The following LPP variants were observed in gnomAD, a reference collection of about 807,000 sequenced individuals.
LPP encodes the protein lipoma-preferred partner.
A neutral mutation model predicts 60.4 loss-of-function variants in LPP; 38 were observed. The observed-to-expected ratio is 0.63, with a 90% confidence interval of 0.49 to 0.83. LPP has a LOEUF of 0.83. Among genes scored for constraint, LPP ranks in the 40% least tolerant of loss-of-function variants. LPP has a pLI of 0.00. For missense variants in LPP, 902 were observed against 783.6 expected (o/e 1.15, Z -1.80); for synonymous variants, 328 against 290.8 (o/e 1.13, Z -1.30).
intron 8 of LPP, chr3:188,709,144 A>G (rs2149706081): frequency 6.6e-6 from 1 of 152,146 alleles, no homozygotes; most frequent in South Asian, 2.1e-4. Context: ...ATAACTAGGA[A>G]TGGTTAATCC....
At chr3:188,377,393 C>T (rs1424542157) in intron 3 of LPP, among the ~76,000 whole-genome samples, 1 of 152,164 alleles carries the variant, frequency 6.6e-6, no homozygotes, top group Non-Finnish European at 1.5e-5. Context: ...TTCTTGGAGG[C>T]TTTGTTCATT....
intron 5 of LPP, among the ~76,000 whole-genome samples, chr3:188,498,594 C>G (rs1324392361): frequency 2.6e-5 from 4 of 152,160 alleles, no homozygotes; most frequent in African/African-American, 9.7e-5. Context: ...ATTTTACCTA[C>G]TGTGGGAATA....
At chr3:188,716,694 A>G (rs1299932563) in intron 8 of LPP, among the ~76,000 whole-genome samples, 2 of 150,744 alleles carry the variant, frequency 1.3e-5, no homozygotes, top group Non-Finnish European at 3.0e-5. Context: ...CAGCGTAATG[A>G]AATCACTTTC....
chr3:188,240,312 A>T (rs1577476618), intron 2 of LPP: 1 of 163,058 alleles, frequency 6.1e-6, no homozygotes, highest in Non-Finnish European at 1.3e-5. Flanking sequence ...AAGGTTGTTG[A>T]CTGCATAAGA....
intron 2 of LPP, among the ~76,000 whole-genome samples, chr3:188,276,478 G>A (rs1325416974): frequency 6.6e-6 from 1 of 152,136 alleles, no homozygotes; most frequent in Non-Finnish European, 1.5e-5. Flanking sequence ...TTGGATATTT[G>A]TTTAGATATT....
At chr3:188,669,616 C>G (rs953257102) in intron 7 of LPP, among the ~76,000 whole-genome samples, 1 of 152,028 alleles carries the variant, frequency 6.6e-6, no homozygotes, top group Non-Finnish European at 1.5e-5. Flanking sequence ...ACAGGTGATG[C>G]AGGTGATGGA....
intron 9 of LPP, among the ~76,000 whole-genome samples, chr3:188,794,415 G>A (rs1230607875): frequency 6.6e-6 from 1 of 152,088 alleles, no homozygotes; most frequent in Non-Finnish European, 1.5e-5. Context: ...TTTGTATTTT[G>A]TTCTCTAAGT....
chr3:188,276,365 A>T (rs931140567), intron 2 of LPP, among the ~76,000 whole-genome samples: 1 of 152,146 alleles, frequency 6.6e-6, no homozygotes, highest in Non-Finnish European at 1.5e-5. Context: ...TAGTTCCTTG[A>T]TTGATCTCCA....
At chr3:188,261,914 C>T (rs1208043403) in intron 2 of LPP, among the ~76,000 whole-genome samples, 1 of 152,178 alleles carries the variant, frequency 6.6e-6, no homozygotes, top group Non-Finnish European at 1.5e-5. Context: ...GCAACTCTGT[C>T]TATAAAACAA....
At chr3:188,766,124 G>T (rs1319630221) in intron 9 of LPP, among the ~76,000 whole-genome samples, 3 of 151,576 alleles carry the variant, frequency 2.0e-5, no homozygotes, top group Admixed American at 6.6e-5. Context: ...CACTGCCTTG[G>T]CCTCCCAAAG....
intron 9 of LPP, among the ~76,000 whole-genome samples, chr3:188,835,427 A>G (rs1378324384): frequency 6.6e-6 from 1 of 151,224 alleles, no homozygotes; most frequent in Non-Finnish European, 1.5e-5. Flanking sequence ...CCTGGCCAAC[A>G]TGGTGAAACC....
chr3:188,499,727 T>G (rs1811281891), intron 5 of LPP, among the ~76,000 whole-genome samples: 1 of 152,224 alleles, frequency 6.6e-6, no homozygotes, highest in African/African-American at 2.4e-5. Context: ...ATATTAAGTC[T>G]TGCATTCTAT....
intron 5 of LPP, among the ~76,000 whole-genome samples, chr3:188,508,706 G>C (rs914169284): frequency 1.3e-5 from 2 of 152,204 alleles, no homozygotes; most frequent in African/African-American, 4.8e-5. Context: ...TTCTCTGTTG[G>C]CACTGCGGGT....
chr3:188,464,921 G>T (rs2149469294), intron 4 of LPP, among the ~76,000 whole-genome samples: 1 of 144,238 alleles, frequency 6.9e-6, no homozygotes, highest in Middle Eastern at 3.8e-3. Context: ...AGACCCTTTG[G>T]ATTCCACACA....
intron 8 of LPP, among the ~76,000 whole-genome samples, chr3:188,730,929 T>G (rs1560125985): frequency 6.6e-6 from 1 of 152,322 alleles, no homozygotes; most frequent in East Asian, 1.9e-4. Flanking sequence ...TTCATAGTCA[T>G]TCTGTGTCTG....
chr3:188,360,576 T>TGG (rs1461815931), intron 3 of LPP, among the ~76,000 whole-genome samples: 2 of 152,088 alleles, frequency 1.3e-5, no homozygotes, highest in Non-Finnish European at 2.9e-5. Context: ...AGGCTGGTCT[T>TGG]GAATTCCTAG....
chr3:188,755,213 A>C (rs1245573924), intron 8 of LPP, among the ~76,000 whole-genome samples: 1 of 152,212 alleles, frequency 6.6e-6, no homozygotes, highest in South Asian at 2.1e-4. Flanking sequence ...TTCAAGTAGC[A>C]AGGAAGACAT....
chr3:188,646,766 T>C (rs931084770), intron 7 of LPP, among the ~76,000 whole-genome samples: 4 of 152,218 alleles, frequency 2.6e-5, no homozygotes, highest in African/African-American at 4.8e-5. Context: ...GTTTCTCAGC[T>C]AGGAACAAAA....
At chr3:188,537,907 T>C (rs1824076015) in intron 6 of LPP, among the ~76,000 whole-genome samples, 1 of 152,076 alleles carries the variant, frequency 6.6e-6, no homozygotes, top group South Asian at 2.1e-4. Flanking sequence ...TAAAGATCAA[T>C]GGAGTAGAAT....
Sources: gnomAD v4.1 joint callset for allele counts (sites outside exome capture counted in the v4.1 genomes callset) on GRCh38, gnomAD v4.1.1 for gene constraint, MANE v1.5 for transcripts, NCBI Gene and HGNC (gene_info 2026-07-23, HGNC 2026-07-21) for gene names.